Variants in ANK2 observed in about 807,000 individuals in gnomAD.
ANK2 encodes the protein ankyrin-2.
In ANK2, 83 loss-of-function variants were observed where a neutral mutation model predicts 360.5. The ratio of observed to expected loss-of-function variants is 0.23; its 90% CI spans 0.19 to 0.28. The LOEUF (loss-of-function observed/expected upper bound fraction) is 0.28. ANK2 is among the 10% of genes least tolerant of loss of function. The pLI is 1.00. For synonymous variants in ANK2, 1,740 were observed against 1,759.5 expected (o/e 0.99, Z 0.28); for missense variants, 4,201 against 4,795.7 (o/e 0.88, Z 3.66).
intron 2 of ANK2, among the ~76,000 whole-genome samples, chr4:112,968,049 T>C (rs1193493620): frequency 1.3e-5 from 2 of 152,156 alleles, no homozygotes; most frequent in Admixed American, 6.5e-5. Flanking sequence ...ACCTCTCACC[T>C]TTTTTATTCC....
chr4:112,936,349 CTTT>C (rs569695925), intron 2 of ANK2, among the ~76,000 whole-genome samples: 1 of 143,824 alleles, frequency 7.0e-6, no homozygotes, highest in Non-Finnish European at 1.5e-5. Context: ...AATCATTATC[CTTT>C]TTTTTTTTTT....
chr4:112,896,966 AG>A (rs2081950966), intron 1 of ANK2, among the ~76,000 whole-genome samples: 3 of 152,334 alleles, frequency 2.0e-5, no homozygotes, highest in Admixed American at 2.0e-4. Context: ...TCTGTATGAA[AG>A]GGGACGATAA....
intron 2 of ANK2, among the ~76,000 whole-genome samples, chr4:113,181,356 C>T (rs1004149226): frequency 2.6e-5 from 4 of 152,182 alleles, no homozygotes; most frequent in African/African-American, 9.7e-5. Context: ...GCAGCCACTC[C>T]ACTCTTCCTA....
chr4:113,343,041 G>A lies in ANK2; in HGVS notation c.4147G>A (p.Val1383Ile), dbSNP rs764532145. ...GGTGTTAGAAGGAAAACCCATCTACGTTGATTGTTTCGGCAACTTGGTACC... is the reference window on the plus strand; with the variant it reads ...GGTGTTAGAAGGAAAACCCATCTACATTGATTGTTTCGGCAACTTGGTACC... ...VEVLEGKPIY[V>I]DCFGNLVPLT... Residue 1383 changes from valine (V) to isoleucine (I), a missense_variant, in exon 34 of 46, where the codon GTT (valine) becomes ATT (isoleucine). Val to Ile is a conservative substitution (Grantham distance 29). Transcript: ENST00000357077. 12 of 1,613,764 alleles carry A rather than the reference G, an allele frequency of 7.4e-6. No individual in the cohort carries two copies. Among genetic ancestry groups the A allele is most frequent in the Non-Finnish European group, 9.3e-6 (11 of 1,179,908 alleles).
chr4:113,316,872 C>T (rs1472694633), intron 24 of ANK2, among the ~76,000 whole-genome samples: 3 of 152,182 alleles, frequency 2.0e-5, no homozygotes, highest in African/African-American at 7.2e-5. Flanking sequence ...AGGCCTAAAT[C>T]CCATTTTGAA....
intron 1 of ANK2, chr4:112,827,337 A>G: frequency 8.1e-7 from 1 of 1,228,844 alleles, no homozygotes; most frequent in Non-Finnish European, 1.2e-6. Context: ...CCAATGAGTT[A>G]CAGCAACTGG....
chr4:112,864,553 G>A (rs934830984), intron 1 of ANK2, among the ~76,000 whole-genome samples: 4 of 151,750 alleles, frequency 2.6e-5, no homozygotes, highest in Admixed American at 2.0e-4. Flanking sequence ...CAGGCGATAT[G>A]CCCACCCCGG....
chr4:113,232,674 G>C (rs905062564), intron 5 of ANK2, among the ~76,000 whole-genome samples: 1 of 139,330 alleles, frequency 7.2e-6, no homozygotes, highest in African/African-American at 2.6e-5. Context: ...TGTTAGCACA[G>C]TTTCATGAGG....
chr4:113,123,124 T>A (rs958442073), intron 1 of ANK2, among the ~76,000 whole-genome samples: 3 of 151,976 alleles, frequency 2.0e-5, no homozygotes, highest in Admixed American at 6.6e-5. Flanking sequence ...ATTTTTGGAA[T>A]CTAAAATCTT....
the ANK2 span, among the ~76,000 whole-genome samples, chr4:112,761,221 C>T: frequency 6.6e-6 from 1 of 151,942 alleles, no homozygotes; most frequent in Admixed American, 6.6e-5. Context: ...TTTTACTTAC[C>T]CAGTATGCTT....
At chr4:112,769,845 G>A in the ANK2 span, among the ~76,000 whole-genome samples, 11 of 152,170 alleles carry the variant, frequency 7.2e-5, no homozygotes, top group South Asian at 2.1e-3. Context: ...CTGCCTGATT[G>A]AGCCGGGACA....
At chr4:113,191,044 C>G (rs961285500) in intron 2 of ANK2, among the ~76,000 whole-genome samples, 1 of 152,026 alleles carries the variant, frequency 6.6e-6, no homozygotes, top group African/African-American at 2.4e-5. Flanking sequence ...ATGGCATTTA[C>G]ATAGGAGAGT....
At chr4:112,941,687 A>AGATATATAAAAGGATATATAAT (rs2094229650) in intron 2 of ANK2, among the ~76,000 whole-genome samples, 1 of 146,758 alleles carries the variant, frequency 6.8e-6, no homozygotes, top group Non-Finnish European at 1.5e-5. Flanking sequence ...GGATATATAA[A>AGATATATAAAAGGATATATAAT]GATATATAAA....
intron 2 of ANK2, among the ~76,000 whole-genome samples, chr4:113,175,126 G>A (rs762131896): frequency 3.9e-5 from 6 of 152,060 alleles, no homozygotes; most frequent in Admixed American, 2.0e-4. Flanking sequence ...AGTGTCTAGT[G>A]GACTGCAGTA....
intron 32 of ANK2, 122 bp downstream of exon 32, chr4:113,339,444 T>A: frequency 1.2e-6 from 1 of 813,810 alleles, no homozygotes; most frequent in Admixed American, 2.0e-5. Context: ...TTAAATATGG[T>A]CTGCCTTTGC....
chr4:113,229,611 G>A (rs1006150836), intron 4 of ANK2, among the ~76,000 whole-genome samples: 1 of 152,194 alleles, frequency 6.6e-6, no homozygotes, highest in Non-Finnish European at 1.5e-5. Context: ...ATGAACCCAA[G>A]GAAGAAGTGT....
chr4:112,807,794 G>A, the ANK2 span, among the ~76,000 whole-genome samples: 2 of 152,214 alleles, frequency 1.3e-5, no homozygotes, highest in Non-Finnish European at 1.5e-5. Context: ...GCATTTGGTT[G>A]CTTTGTTATA....
At chr4:113,189,207 A>G (rs1313708490) in intron 2 of ANK2, among the ~76,000 whole-genome samples, 2 of 152,166 alleles carry the variant, frequency 1.3e-5, no homozygotes, top group African/African-American at 4.8e-5. Context: ...ACCAAACACC[A>G]TTTATAGGAA....
rs1166721962 is a variant in ANK2 at position 113,333,206 on chromosome 4, A to G, written c.3377A>G (p.Glu1126Gly). ...ELNEILNGMD[E>G]VLDSPEDLEK... ...AATGAAATTCTTAACGGCATGGATGAAGGTACTTTCAGATGAAGCGTTTTA... is the reference window on the plus strand; with the variant it reads ...AATGAAATTCTTAACGGCATGGATGGAGGTACTTTCAGATGAAGCGTTTTA... The change falls in exon 29 of 46, where the codon GAA becomes GGA. Residue 1126 changes from glutamate (E) to glycine (G), a missense_variant and splice_region_variant. Coordinates refer to ENST00000357077, the MANE Select transcript of ANK2 (RefSeq NM_001148.6). 6.2e-7 allele frequency: 1 copy of G among 1,614,136 alleles called. No homozygotes were observed. Among genetic ancestry groups the G allele is most frequent in the African/African-American group, 1.3e-5 (1 of 75,034 alleles).
Sources: allele counts gnomAD v4.1 joint callset (sites outside exome capture counted in the v4.1 genomes callset), GRCh38; gene constraint gnomAD v4.1.1; transcripts MANE v1.5; gene names NCBI Gene and HGNC (gene_info 2026-07-23, HGNC 2026-07-21).